Variants in NTRK2 observed in about 807,000 individuals in gnomAD.
NTRK2 encodes the protein BDNF/NT-3 growth factors receptor.
A neutral mutation model predicts 94.5 loss-of-function variants in NTRK2; 13 were observed. The observed-to-expected ratio is 0.14, with a 90% confidence interval of 0.09 to 0.22. The LOEUF is 0.22. Among genes scored for constraint, NTRK2 ranks in the 10% least tolerant of loss-of-function variants. NTRK2 has a pLI of 1.00. For synonymous variants in NTRK2, 372 were observed against 407.4 expected (o/e 0.91, Z 1.05); for missense variants, 639 against 1,071.2 (o/e 0.60, Z 5.63).
intron 12 of NTRK2, among the ~76,000 whole-genome samples, chr9:84,810,133 G>A (rs771669780): frequency 2.0e-5 from 3 of 152,070 alleles, no homozygotes; most frequent in Non-Finnish European, 4.4e-5. Context: ...CATGGTTTTT[G>A]CCATTGAAAG....
intron 17 of NTRK2, among the ~76,000 whole-genome samples, chr9:84,965,550 G>A (rs879888571): frequency 3.3e-5 from 5 of 152,298 alleles, no homozygotes; most frequent in Non-Finnish European, 5.9e-5. Flanking sequence ...GTTGTTAACC[G>A]CAAAGACTAT....
intron 17 of NTRK2, among the ~76,000 whole-genome samples, chr9:85,011,771 C>G (rs1394335293): frequency 1.3e-5 from 2 of 152,068 alleles, no homozygotes; most frequent in Admixed American, 1.3e-4. Context: ...GCAGCTGAGT[C>G]CATATCAGAC....
chr9:85,021,149 T>G, intron 18 of NTRK2, 103 bp from the exon 19 acceptor site: 1 of 972,156 alleles, frequency 1.0e-6, no homozygotes, highest in Non-Finnish European at 1.6e-6. Flanking sequence ...AAGAGTGGGC[T>G]TCTTTTGTAA....
intron 12 of NTRK2, among the ~76,000 whole-genome samples, chr9:84,824,476 C>T (rs1290740145): frequency 6.6e-6 from 1 of 152,202 alleles, no homozygotes; most frequent in Non-Finnish European, 1.5e-5. Flanking sequence ...GCTACTAGCT[C>T]TTCTTTTCCT....
chr9:84,816,788 A>G (rs912140796), intron 12 of NTRK2, among the ~76,000 whole-genome samples: 5 of 151,636 alleles, frequency 3.3e-5, no homozygotes, highest in Admixed American at 1.3e-4. Flanking sequence ...CAAAAAAAAA[A>G]AAAAAAAAAA....
At chr9:84,746,516 G>C (rs1349008147) in intron 11 of NTRK2, among the ~76,000 whole-genome samples, 2 of 151,992 alleles carry the variant, frequency 1.3e-5, no homozygotes, top group African/African-American at 4.8e-5. Flanking sequence ...GTAAAGTGCA[G>C]ATCAGATCAT....
chr9:84,735,137 G>A (rs1427395846), intron 9 of NTRK2, among the ~76,000 whole-genome samples: 1 of 152,052 alleles, frequency 6.6e-6, no homozygotes, highest in Non-Finnish European at 1.5e-5. Flanking sequence ...TGGATCCCTT[G>A]AGGCTGGGAG....
At chr9:84,786,686 G>A in intron 12 of NTRK2, among the ~76,000 whole-genome samples, 1 of 152,128 alleles carries the variant, frequency 6.6e-6, no homozygotes, top group East Asian at 1.9e-4. Flanking sequence ...AAAAAATCTT[G>A]GTTCAGAGGA....
intron 2 of NTRK2, among the ~76,000 whole-genome samples, chr9:84,679,238 C>T (rs2059248200): frequency 6.6e-6 from 1 of 152,168 alleles, no homozygotes; most frequent in South Asian, 2.1e-4. Flanking sequence ...ATGGGTTTGG[C>T]CTTTCTCTTT....
chr9:84,814,773 G>C (rs924578961), intron 12 of NTRK2: 2 of 1,064,184 alleles, frequency 1.9e-6, no homozygotes, highest in Admixed American at 5.3e-5. Context: ...TCTAGCATAG[G>C]GTCTCTCAGG....
At chr9:84,764,030 A>G (rs2065828752) in intron 12 of NTRK2, among the ~76,000 whole-genome samples, 1 of 152,140 alleles carries the variant, frequency 6.6e-6, no homozygotes, top group Non-Finnish European at 1.5e-5. Flanking sequence ...ACTGGAACTT[A>G]TTTCTAAAGG....
At chr9:84,825,551 A>T (rs1315024904) in intron 12 of NTRK2, among the ~76,000 whole-genome samples, 1 of 152,200 alleles carries the variant, frequency 6.6e-6, no homozygotes, top group Non-Finnish European at 1.5e-5. Flanking sequence ...ATTTGTCCTC[A>T]TTAAAACAAG....
rs777523002 is a variant in NTRK2, at chr9:84,768,059, G to T, written c.1396+15974G>T. ...TAGTCTTGGATAATCCCATTCATTG[G>T]CATGGGCTCTCAAAAATCAATAATG... is the stretch of plus-strand genomic sequence containing the variant. On this transcript the variant is annotated intron_variant, in intron 12 of 18. Coordinates refer to ENST00000277120, the MANE Select transcript of NTRK2 (RefSeq NM_006180.6). Among the ~76,000 whole-genome samples the T allele has an allele frequency of 5.3e-5, 8 of 152,170 alleles. No homozygotes were observed. In the South Asian group the frequency reaches 1.7e-3, roughly 32 times the overall value.
chr9:84,732,191 C>T (rs2062939196), intron 9 of NTRK2, among the ~76,000 whole-genome samples: 1 of 152,186 alleles, frequency 6.6e-6, no homozygotes, highest in South Asian at 2.1e-4. Context: ...AATCAGACTA[C>T]AGGAGTTTTA....
intron 14 of NTRK2, chr9:84,874,349 A>G (rs1341309200): frequency 9.4e-7 from 1 of 1,064,792 alleles, no homozygotes; most frequent in African/African-American, 1.6e-5. Flanking sequence ...TACGGCAGCT[A>G]TTATAACAAA....
At chr9:84,878,036 C>A in intron 14 of NTRK2, 1 of 690,032 alleles carries the variant, frequency 1.4e-6, no homozygotes, top group Non-Finnish European at 1.8e-6. Context: ...CCCCAGTTGC[C>A]CCCACATAGC....
At chr9:84,718,331 A>G (rs1007448403) in intron 6 of NTRK2, among the ~76,000 whole-genome samples, 1 of 152,152 alleles carries the variant, frequency 6.6e-6, no homozygotes, top group Non-Finnish European at 1.5e-5. Context: ...ACATATTGGA[A>G]AAGAAGCTAC....
chr9:84,984,511 G>T (rs1158732285), intron 17 of NTRK2, among the ~76,000 whole-genome samples: 3 of 140,604 alleles, frequency 2.1e-5, no homozygotes, highest in Non-Finnish European at 4.7e-5. Context: ...ACAAAAAAAA[G>T]ATTTCTAGGT....
At chr9:84,823,103 A>T (rs7049053) in intron 12 of NTRK2, among the ~76,000 whole-genome samples, 10,440 of 151,062 alleles carry the variant, frequency 0.069, 470 homozygotes, top group African/African-American at 0.12. Flanking sequence ...TTTTTTTTTT[A>T]AAAGTACCCA....
Sources: gnomAD v4.1 joint callset for allele counts (sites outside exome capture counted in the v4.1 genomes callset) on GRCh38, gnomAD v4.1.1 for gene constraint, MANE v1.5 for transcripts, NCBI Gene and HGNC (gene_info 2026-07-23, HGNC 2026-07-21) for gene names.